Variants in MGAT4C observed in about 807,000 individuals in gnomAD.
MGAT4C encodes the protein MGAT4 family member C, also known as alpha-1,3-mannosyl-glycoprotein 4-beta-N-acetylglucosaminyltransferase C.
A neutral mutation model predicts 40.1 loss-of-function variants in MGAT4C; 19 were observed. The ratio of observed to expected loss-of-function variants is 0.47; its 90% CI spans 0.33 to 0.70. The LOEUF is 0.70. Among genes scored for constraint, MGAT4C ranks in the 30% least tolerant of loss-of-function variants. The pLI is 0.02. For synonymous variants in MGAT4C, 181 were observed against 187.1 expected, an observed-to-expected ratio of 0.97 and a Z score of 0.27; for missense variants, 491 against 563.2, an observed-to-expected ratio of 0.87 and a Z score of 1.30.
Position 86,607,845 on chromosome 12 carries a change from G to T in MGAT4C, c.-229+119364C>A, listed in dbSNP as rs935202474. 1.2e-4 allele frequency among the ~76,000 whole-genome samples: 18 copies of T among 152,118 alleles called. 1 individual carries two copies. The East Asian group carries it at 3.5e-3, about 30-fold the overall frequency. ...ATTAAGAGTCATGGCACCTGGCGGG[G>T]TGCAGGGTTGGGGGAGAAACACATG... On this transcript the variant is annotated intron_variant, in intron 2 of 7. Coordinates refer to the MGAT4C transcript ENST00000548651.
chr12:86,494,633 C>A (rs553708777), intron 2 of MGAT4C, among the ~76,000 whole-genome samples: 32 of 148,366 alleles, frequency 2.2e-4, no homozygotes, highest in African/African-American at 7.5e-4. Flanking sequence ...AAAAAAAAAA[C>A]GTGCTTTAAA....
At position 86,376,363 on chromosome 12, in the gene MGAT4C, A is replaced by G. The variant is rs192216541; in HGVS notation, c.-119-42236T>C. ...ACCGCACTCCAGCCTGGGTGACAGA[A>G]TGAGACCCTGTCTCAAAAAACCAAA... On this transcript the variant is annotated intron_variant, in intron 3 of 7. Coordinates refer to the MGAT4C transcript ENST00000548651. Among the ~76,000 whole-genome samples, 141 of 152,154 alleles carry G rather than the reference A, an allele frequency of 9.3e-4. 1 individual carries two copies. Among genetic ancestry groups the G allele is most frequent in the African/African-American group, 3.1e-3 (127 of 41,528 alleles).
At chr12:86,797,445 T>C (rs1021919664) in intron 1 of MGAT4C, among the ~76,000 whole-genome samples, 2 of 151,908 alleles carry the variant, frequency 1.3e-5, no homozygotes, top group Admixed American at 6.6e-5. Flanking sequence ...CATGACTATA[T>C]ATAAACATAT....
At chr12:86,575,300 G>C (rs1172416716) in intron 2 of MGAT4C, among the ~76,000 whole-genome samples, 1 of 151,748 alleles carries the variant, frequency 6.6e-6, no homozygotes, top group African/African-American at 2.4e-5. Flanking sequence ...CAAACAGTCA[G>C]TCTTATTCAT....
intron 2 of MGAT4C, among the ~76,000 whole-genome samples, chr12:86,526,597 A>C (rs1275925134): frequency 6.6e-6 from 1 of 152,108 alleles, no homozygotes; most frequent in East Asian, 1.9e-4. Flanking sequence ...CTGGAGCCCC[A>C]GGAGAGGTGT....
chr12:86,178,216 A>AT (rs531640000), intron 1 of MGAT4C, among the ~76,000 whole-genome samples: 86 of 152,296 alleles, frequency 5.6e-4, no homozygotes, highest in Non-Finnish European at 1.2e-3. Flanking sequence ...GATTACAGGC[A>AT]TGAGCTACTG....
chr12:86,770,896 G>A (rs530304560), intron 1 of MGAT4C, among the ~76,000 whole-genome samples: 4 of 152,250 alleles, frequency 2.6e-5, no homozygotes, highest in Admixed American at 2.6e-4. Context: ...GGAAGGTGGT[G>A]TGGGTTGAAT....
intron 4 of MGAT4C, 146 bp downstream of exon 4, chr12:85,983,377 A>C (rs1565812396): frequency 1.4e-6 from 1 of 740,472 alleles, no homozygotes; most frequent in East Asian, 3.2e-5. Flanking sequence ...GTAGTTGGCA[A>C]TTTGTGAAGA....
intron 3 of MGAT4C, among the ~76,000 whole-genome samples, chr12:86,382,795 A>C (rs184257852): frequency 6.6e-6 from 1 of 152,320 alleles, no homozygotes; most frequent in Non-Finnish European, 1.5e-5. Context: ...AAGCCTTAGA[A>C]GTTTCCATGG....
At chr12:86,765,468 C>T (rs1439593417) in intron 1 of MGAT4C, among the ~76,000 whole-genome samples, 2 of 152,124 alleles carry the variant, frequency 1.3e-5, no homozygotes, top group Non-Finnish European at 2.9e-5. Flanking sequence ...GAGAAATTCC[C>T]CAATCCAGCA....
chr12:85,980,992 G>C (rs904691795), intron 4 of MGAT4C, among the ~76,000 whole-genome samples: 2 of 151,952 alleles, frequency 1.3e-5, no homozygotes, highest in African/African-American at 4.8e-5. Context: ...CTGTCATTAT[G>C]TTGTACTAGA....
intron 2 of MGAT4C, among the ~76,000 whole-genome samples, chr12:86,705,214 ATCTCTATC>A (rs1307743364): frequency 1.7e-5 from 2 of 119,418 alleles, no homozygotes; most frequent in African/African-American, 3.3e-5. Flanking sequence ...TCTGTCTATT[ATCTCTATC>A]TATCTATCTA....
At chr12:86,597,510 C>T (rs973633546) in intron 2 of MGAT4C, among the ~76,000 whole-genome samples, 4 of 152,172 alleles carry the variant, frequency 2.6e-5, no homozygotes, top group Non-Finnish European at 5.9e-5. Flanking sequence ...GCCTCAGAAT[C>T]ATGTAGACTC....
intron 4 of MGAT4C, among the ~76,000 whole-genome samples, chr12:86,328,102 T>C (rs1954567655): frequency 6.6e-6 from 1 of 152,186 alleles, no homozygotes; most frequent in Non-Finnish European, 1.5e-5. Flanking sequence ...ATGTGCCACC[T>C]TTACATTAAA....
Position 86,168,952 on chromosome 12 carries a change from AT to A in MGAT4C, c.-57+87286del, listed in dbSNP as rs1436375181. 3.9e-5 allele frequency among the ~76,000 whole-genome samples: 6 copies of A among 152,108 alleles called. No individual in the cohort carries two copies. In the East Asian group the frequency reaches 1.2e-3, roughly 29 times the overall value. On this transcript the variant is annotated intron_variant, in intron 1 of 4. Coordinates refer to ENST00000611864, the MANE Select transcript of MGAT4C (RefSeq NM_001351288.2). ...AGTAGCATCAATAACTATGTTCTTG[AT>A]TGTTTGTATCGCTTTGTGTACTTTT...
intron 2 of MGAT4C, among the ~76,000 whole-genome samples, chr12:86,696,662 A>G (rs1471661856): frequency 6.6e-6 from 1 of 152,176 alleles, no homozygotes; most frequent in Non-Finnish European, 1.5e-5. Context: ...TCTTAAATTT[A>G]CTTTCTATAT....
chr12:86,669,405 C>T (rs568463386), intron 2 of MGAT4C, among the ~76,000 whole-genome samples: 3 of 152,278 alleles, frequency 2.0e-5, no homozygotes, highest in South Asian at 4.1e-4. Flanking sequence ...TGAGTTGCCA[C>T]CCCTCTCCTG....
At chr12:86,170,206 C>A (rs190674373) in intron 1 of MGAT4C, among the ~76,000 whole-genome samples, 1 of 152,190 alleles carries the variant, frequency 6.6e-6, no homozygotes, top group East Asian at 1.9e-4. Flanking sequence ...GAGACTGGGA[C>A]AGTCTTGAGC....
intron 2 of MGAT4C, among the ~76,000 whole-genome samples, chr12:86,531,426 C>T (rs1197446428): frequency 6.6e-6 from 1 of 152,046 alleles, no homozygotes; most frequent in Admixed American, 6.6e-5. Flanking sequence ...TACCAATTTG[C>T]TTCCCTGTTT....
Sources: allele counts gnomAD v4.1 joint callset (sites outside exome capture counted in the v4.1 genomes callset), GRCh38; gene constraint gnomAD v4.1.1; transcripts MANE v1.5; gene names NCBI Gene and HGNC (gene_info 2026-07-23, HGNC 2026-07-21).